LYZL6: variants seen among roughly 807,000 people sequenced by gnomAD.
LYZL6 encodes lysozyme-like protein 6.
LYZL6 carries 21 observed loss-of-function variants against 15.0 expected under a neutral mutation model. The observed-to-expected ratio is 1.40, with a 90% CI of 1.00 to 2.02. The LOEUF is 2.02. LYZL6 is among the 30% of genes most tolerant of loss of function. The pLI, the probability that LYZL6 is intolerant of heterozygous loss-of-function variation, is 0.00. For synonymous variants in LYZL6, 72 were observed against 67.8 expected, an observed-to-expected ratio of 1.06 and a Z score of -0.31; for missense variants, 173 against 180.5, an observed-to-expected ratio of 0.96 and a Z score of 0.24.
At chr17:35,940,223 G>T (rs2089415059) in intron 1 of LYZL6, among the ~76,000 whole-genome samples, 1 of 152,152 alleles carries the variant, frequency 6.6e-6, no homozygotes, top group Non-Finnish European at 1.5e-5. Flanking sequence ...TTTGTAAAAT[G>T]AAGATATGCT....
In LYZL6 at chr17:35,939,559, C is replaced by T; in HGVS notation, c.-202-1G>A. 3 of 441,150 alleles carry T rather than the reference C, an allele frequency of 6.8e-6. No individual in the cohort carries two copies. The highest frequency in any genetic ancestry group is 1.2e-5 in the Non-Finnish European group (3 of 252,524). The allele number at this position is 441,150 out of a possible 1,614,324, so 27.3% of individuals were successfully genotyped here. On this transcript the variant is annotated splice_acceptor_variant, in intron 1 of 4. Transcript: ENST00000615905. LOFTEE classifies it low-confidence loss of function (5UTR_SPLICE). ...TTTTATTTATCATGGAAAATTAAAC[C>T]TTTAAAAAAGGAAAGAGAATAGTAT...
Position 35,936,805 on chromosome 17 carries a change from G to A in LYZL6, c.327C>T (p.Gly109=). ...QDLLNPNLLA[G]IHCAKRIVSG... is the part of the protein sequence containing the mutation. ...ACACAATCCTTTTTGCGCAGTGGAT[G>A]CCTGCAAGAAGGTTGGGATTCAGCA... Residue 109 remains glycine (G), a synonymous_variant, in exon 4 of 5, where the codon GGC becomes GGT. Transcript: ENST00000615905. The A allele has an allele frequency of 6.2e-7, 1 of 1,613,876 alleles. No individual in the cohort carries two copies. Among genetic ancestry groups the A allele is most frequent in the Non-Finnish European group, 8.5e-7 (1 of 1,180,014 alleles).
intron 2 of LYZL6, among the ~76,000 whole-genome samples, chr17:35,938,201 G>A (rs1489102089): frequency 6.6e-6 from 1 of 152,206 alleles, no homozygotes; most frequent in East Asian, 1.9e-4. Flanking sequence ...GGACATTTCA[G>A]TTGGGTCAAA....
chr17:35,942,890 T>C (rs1171738598), intron 1 of LYZL6, among the ~76,000 whole-genome samples: 1 of 152,120 alleles, frequency 6.6e-6, no homozygotes, highest in African/African-American at 2.4e-5. Context: ...AAACTCTCGC[T>C]CCCAGATAAG....
intron 1 of LYZL6, among the ~76,000 whole-genome samples, chr17:35,942,405 A>G (rs1468460715): frequency 6.6e-6 from 1 of 152,218 alleles, no homozygotes; most frequent in African/African-American, 2.4e-5. Context: ...CTGAGGGGGC[A>G]GAAGCCTGAG....
intron 3 of LYZL6, among the ~76,000 whole-genome samples, 184 bp downstream of exon 3, chr17:35,937,574 A>G (rs2089385472): frequency 3.3e-5 from 5 of 152,204 alleles, no homozygotes. Flanking sequence ...CAGGGACTCT[A>G]TAGAATCTCC....
intron 4 of LYZL6, 36 bp downstream of exon 4, chr17:35,936,719 G>A: frequency 1.3e-6 from 2 of 1,590,024 alleles, no homozygotes; most frequent in Non-Finnish European, 1.7e-6. Flanking sequence ...TCCTTCGTGG[G>A]GCTCTGCCCG....
At chr17:35,941,232 G>A (rs780008472) in intron 1 of LYZL6, among the ~76,000 whole-genome samples, 7 of 152,146 alleles carry the variant, frequency 4.6e-5, no homozygotes, top group Admixed American at 1.3e-4. Flanking sequence ...TTTAATTTGC[G>A]TTTCCCAGAT....
In LYZL6 at chr17:35,936,810, C is replaced by T; in HGVS notation, c.322G>A (p.Ala108Thr). The T allele has an allele frequency of 1.2e-6, 2 of 1,613,834 alleles. No individual in the cohort carries two copies. Among genetic ancestry groups the T allele is most frequent in the East Asian group, 4.5e-5 (2 of 44,872 alleles). The change falls in exon 4 of 5, where the codon GCA becomes ACA. Residue 108 changes from alanine (A) to threonine (T), a missense_variant. Transcript: ENST00000615905. ...CQDLLNPNLL[A>T]GIHCAKRIVS... is the part of the protein sequence containing the mutation. ...ATCCTTTTTGCGCAGTGGATGCCTG[C>T]AAGAAGGTTGGGATTCAGCAGATCT... is the stretch of plus-strand genomic sequence containing the variant.
chr17:35,937,159 C>T (rs1363963782), intron 3 of LYZL6, among the ~76,000 whole-genome samples: 4 of 152,162 alleles, frequency 2.6e-5, no homozygotes, highest in African/African-American at 7.2e-5. Context: ...AGGTATGTCC[C>T]GCCTAGTGAG....
intron 1 of LYZL6, among the ~76,000 whole-genome samples, chr17:35,940,230 T>G (rs2089415130): frequency 6.6e-6 from 1 of 152,158 alleles, no homozygotes; most frequent in East Asian, 1.9e-4. Flanking sequence ...AATGAAGATA[T>G]GCTAATACCT....
chr17:35,939,153 A>T, intron 2 of LYZL6, 65 bp downstream of exon 2: 2 of 1,545,364 alleles, frequency 1.3e-6, no homozygotes, highest in Non-Finnish European at 1.8e-6. Flanking sequence ...GGAGAGAAAG[A>T]AGCTGGCCAT....
chr17:35,938,563 A>G (rs2089397623), intron 2 of LYZL6, among the ~76,000 whole-genome samples: 2 of 151,004 alleles, frequency 1.3e-5, no homozygotes, highest in Admixed American at 1.3e-4. Flanking sequence ...GCTTGCAGTG[A>G]GCCAAGATCG....
chr17:35,937,654 C>T lies in LYZL6; in HGVS notation c.298+104G>A, dbSNP rs570393172. 9.2e-5 allele frequency: 121 copies of T among 1,308,960 alleles called. No individual in the cohort carries two copies. In the East Asian group the frequency reaches 2.8e-3, roughly 30 times the overall value. The allele number at this position is 1,308,960 out of a possible 1,614,324, so 81.1% of individuals were successfully genotyped here. A position where few individuals can be genotyped will look rare whatever the true frequency, so the allele number is the denominator to read the frequency against. On this transcript the variant is annotated intron_variant, in intron 3 of 4. Transcript: ENST00000615905. ...TAAAGGGATTCCCTGATTTTTTGAA[C>T]CATATTTCTGGGGCCATTCCCAGGC...
chr17:35,942,384 G>C (rs574685245), intron 1 of LYZL6, among the ~76,000 whole-genome samples: 2 of 152,298 alleles, frequency 1.3e-5, no homozygotes, highest in South Asian at 4.1e-4. Context: ...CCTTAACTTA[G>C]GTATATGCTG....
chr17:35,942,928 T>C (rs2089434860), intron 1 of LYZL6, among the ~76,000 whole-genome samples: 1 of 152,166 alleles, frequency 6.6e-6, no homozygotes, highest in Admixed American at 6.5e-5. Context: ...GACTAAAAGT[T>C]GATGTGGTCG....
At chr17:35,941,817 G>A (rs1449312287) in intron 1 of LYZL6, among the ~76,000 whole-genome samples, 1 of 152,140 alleles carries the variant, frequency 6.6e-6, no homozygotes, top group Non-Finnish European at 1.5e-5. Context: ...AATCATCATT[G>A]CATGCTAAAT....
In LYZL6 at chr17:35,934,860, T is replaced by G. The variant is rs1271596149; in HGVS notation, c.383A>C (p.Glu128Ala). 6.2e-7 allele frequency: 1 copy of G among 1,614,050 alleles called. No homozygotes were observed. Among genetic ancestry groups the G allele is most frequent in the Non-Finnish European group, 8.5e-7 (1 of 1,179,992 alleles). The change falls in exon 5 of 5, where the codon GAA becomes GCA. Residue 128 changes from glutamate (E) to alanine (A), a missense_variant. By Grantham distance (107) the Glu-to-Ala change is moderately radical. Coordinates refer to ENST00000615905, the MANE Select transcript of LYZL6 (RefSeq NM_020426.4). Reference protein sequence around the residue: ...SGARGMNNWVEWRLHCSGRPL... With the variant: ...SGARGMNNWVAWRLHCSGRPL... ...CCGGCCTGAACAGTGCAACCTCCAT[T>G]CTACCCTGCGGAGAAAAAAGACATG...
At chr17:35,936,710 CCTT>C in intron 4 of LYZL6, 42 bp downstream of exon 4, 1 of 1,564,356 alleles carries the variant, frequency 6.4e-7, no homozygotes, top group Non-Finnish European at 8.8e-7. Flanking sequence ...GTCACGTCCT[CCTT>C]CGTGGGGCTC....
Sources: gnomAD v4.1 joint callset for allele counts (sites outside exome capture counted in the v4.1 genomes callset) on GRCh38, gnomAD v4.1.1 for gene constraint, MANE v1.5 for transcripts, NCBI Gene and HGNC (gene_info 2026-07-23, HGNC 2026-07-21) for gene names.